Variants in STRBP observed in about 807,000 individuals in gnomAD.
STRBP encodes the protein spermatid perinuclear RNA-binding protein.
In STRBP, 13 loss-of-function variants were observed where a neutral mutation model predicts 80.1. The observed-to-expected ratio is 0.16, with a 90% confidence interval of 0.11 to 0.26. The LOEUF is 0.26. STRBP is among the 10% of genes least tolerant of loss of function. STRBP has a pLI of 1.00. For synonymous variants in STRBP, 284 were observed against 291.2 expected, an observed-to-expected ratio of 0.98 and a Z score of 0.25; for missense variants, 485 against 815.2, an observed-to-expected ratio of 0.59 and a Z score of 4.93.
At chr9:123,147,968 T>A in intron 11 of STRBP, 98 bp from the exon 12 acceptor site, 1 of 1,070,922 alleles carries the variant, frequency 9.3e-7, no homozygotes, top group Non-Finnish European at 1.3e-6. Flanking sequence ...ATCTTAGGAA[T>A]CACACCAAGG....
chr9:123,132,546 CA>C lies in STRBP; in HGVS notation c.1897+298del, dbSNP rs111931425. 3.6e-3 allele frequency among the ~76,000 whole-genome samples: 541 copies of C among 152,262 alleles called. 2 individuals carry two copies. Among genetic ancestry groups the C allele is most frequent in the African/African-American group, 0.012 (490 of 41,544 alleles). Reference sequence around the variant, plus strand: ...CTGTCATCTATGTCCTCGATGAAAACACCCTGCTCACCCTTCTCAATCTATG... The same window carrying C: ...CTGTCATCTATGTCCTCGATGAAAACCCCTGCTCACCCTTCTCAATCTATG... On this transcript the variant is annotated intron_variant, in intron 17 of 18. Transcript: ENST00000348403.
chr9:123,158,528 G>GA (rs142605162), intron 9 of STRBP, 99 bp from the exon 10 acceptor site: 10,965 of 850,622 alleles, frequency 0.013, no homozygotes, highest in East Asian at 0.028. Context: ...AAGAGAAAAT[G>GA]AAAAAAAAAA....
At chr9:123,188,681 T>C (rs780206033) in intron 2 of STRBP, among the ~76,000 whole-genome samples, 6 of 152,120 alleles carry the variant, frequency 3.9e-5, no homozygotes, top group African/African-American at 7.2e-5. Flanking sequence ...CAAACAACTA[T>C]GCTATCTATA....
At chr9:123,227,567 CTT>C (rs113678606) in intron 2 of STRBP, among the ~76,000 whole-genome samples, 6 of 113,438 alleles carry the variant, frequency 5.3e-5, no homozygotes, top group Non-Finnish European at 9.4e-5. Context: ...TTTTTTTTTT[CTT>C]TTTTTTTTTT....
chr9:123,136,003 T>C lies in STRBP; in HGVS notation c.1773+38A>G, dbSNP rs569619903. The C allele has an allele frequency of 1.2e-6, 2 of 1,602,228 alleles. No homozygotes were observed. Among genetic ancestry groups the C allele is most frequent in the East Asian group, 2.2e-5 (1 of 44,704 alleles). On this transcript the variant is annotated intron_variant, in intron 16 of 18. Transcript: ENST00000348403. This position sits in a 1 kb window ranked among gnomAD's most constrained non-coding sequence, Gnocchi z 4.2. ...AAGAAAATTTAATTCCTCTAACATTTTTCACAGGTTCTGCAAAGGTTTAAT... is the reference window on the plus strand; with the variant it reads ...AAGAAAATTTAATTCCTCTAACATTCTTCACAGGTTCTGCAAAGGTTTAAT...
rs1393316519 is a variant in STRBP, at chr9:123,248,267, T to TC, written c.-301-11302_-301-11301insG. Among the ~76,000 whole-genome samples, 5 of 141,686 alleles carry TC rather than the reference T, an allele frequency of 3.5e-5. No homozygotes were observed. In the East Asian group the frequency reaches 1.0e-3, roughly 29 times the overall value. The allele number at this position is 141,686 out of a possible 152,430, so 93.0% of individuals were successfully genotyped here. A position where few individuals can be genotyped will look rare whatever the true frequency, so the allele number is the denominator to read the frequency against. ...CTTCTCCCACCCCTATCGTGTTTTT[T>TC]TTTTTTTTTTTTTTTTTTGAGATGG... On this transcript the variant is annotated intron_variant, in intron 1 of 18. Coordinates refer to ENST00000348403, the MANE Select transcript of STRBP (RefSeq NM_018387.5).
intron 2 of STRBP, among the ~76,000 whole-genome samples, chr9:123,234,588 G>T (rs12552172): frequency 0.13 from 20,518 of 152,154 alleles, 1,903 homozygotes; most frequent in Middle Eastern, 0.2. Flanking sequence ...CATCCTAGTT[G>T]GTAGTCTTAA....
rs1440208868 is a variant in STRBP at position 123,234,188 on chromosome 9, G to A, written c.-165+2642C>T. On this transcript the variant is annotated intron_variant, in intron 2 of 18. Coordinates refer to ENST00000348403, the MANE Select transcript of STRBP (RefSeq NM_018387.5). Reference sequence around the variant, plus strand: ...TGCACTCCAGCCTGGGCGACAGAGCGAGACGCCGTGTCAAAAAAAAAAAAA... The same window carrying A: ...TGCACTCCAGCCTGGGCGACAGAGCAAGACGCCGTGTCAAAAAAAAAAAAA... Among the ~76,000 whole-genome samples, 5 of 141,130 alleles carry A rather than the reference G, an allele frequency of 3.5e-5. No homozygotes were observed. In the East Asian group the frequency reaches 6.4e-4, roughly 18 times the overall value. The allele number at this position is 141,130 out of a possible 152,430, so 92.6% of individuals were successfully genotyped here. A position where few individuals can be genotyped will look rare whatever the true frequency, so the allele number is the denominator to read the frequency against.
chr9:123,234,028 G>A (rs190087662), intron 2 of STRBP, among the ~76,000 whole-genome samples: 12 of 151,854 alleles, frequency 7.9e-5, no homozygotes, highest in East Asian at 3.9e-4. Context: ...GTGAAATCCC[G>A]TCTCTATTAA....
At chr9:123,152,578 T>G (rs1017559041) in intron 11 of STRBP, among the ~76,000 whole-genome samples, 1 of 151,814 alleles carries the variant, frequency 6.6e-6, no homozygotes, top group African/African-American at 2.4e-5. Flanking sequence ...ACACAACAAC[T>G]TGGATGGACC....
chr9:123,163,558 T>C (rs985062821), intron 6 of STRBP, among the ~76,000 whole-genome samples: 31 of 152,314 alleles, frequency 2.0e-4, no homozygotes, highest in African/African-American at 7.0e-4. Context: ...GCTTCAATAT[T>C]CAGGAGGTAG....
intron 2 of STRBP, among the ~76,000 whole-genome samples, chr9:123,222,572 G>C (rs1363618593): frequency 1.2e-4 from 19 of 152,026 alleles, no homozygotes; most frequent in Admixed American, 1.2e-3. Flanking sequence ...CTAAACTGTT[G>C]GGAATTAAAA....
intron 11 of STRBP, among the ~76,000 whole-genome samples, chr9:123,151,649 A>C (rs1192861291): frequency 6.6e-6 from 1 of 152,240 alleles, no homozygotes; most frequent in Non-Finnish European, 1.5e-5. Flanking sequence ...GATTATAAAC[A>C]TACAAATGTC....
intron 2 of STRBP, among the ~76,000 whole-genome samples, chr9:123,185,270 T>C (rs1391978874): frequency 6.6e-6 from 1 of 152,158 alleles, no homozygotes; most frequent in Non-Finnish European, 1.5e-5. Context: ...AACAGTTTCT[T>C]AATATTAGCA....
chr9:123,266,439 C>G (rs1365908226), intron 1 of STRBP, among the ~76,000 whole-genome samples: 9 of 151,996 alleles, frequency 5.9e-5, no homozygotes, highest in Admixed American at 5.2e-4. Context: ...CAGGTCCCCC[C>G]ACCCCTCAAT....
chr9:123,238,142 G>A (rs527963411), intron 1 of STRBP, among the ~76,000 whole-genome samples: 14 of 152,330 alleles, frequency 9.2e-5, no homozygotes, highest in Non-Finnish European at 1.5e-4. Context: ...AACAGTAAAC[G>A]TTAGCATTTC....
chr9:123,183,391 T>C (rs1271320607), intron 3 of STRBP, among the ~76,000 whole-genome samples: 1 of 151,802 alleles, frequency 6.6e-6, no homozygotes, highest in Non-Finnish European at 1.5e-5. Flanking sequence ...GAGCCGAGAT[T>C]GCGCCATTGC....
At chr9:123,194,495 A>T (rs1351370644) in intron 2 of STRBP, among the ~76,000 whole-genome samples, 1 of 152,198 alleles carries the variant, frequency 6.6e-6, no homozygotes, top group Non-Finnish European at 1.5e-5. Context: ...CAATAAAAAT[A>T]AAAAGGGAAA....
intron 6 of STRBP, among the ~76,000 whole-genome samples, chr9:123,167,283 T>C (rs970450202): frequency 3.3e-5 from 5 of 151,214 alleles, no homozygotes; most frequent in African/African-American, 1.2e-4. Context: ...TTACAATGGA[T>C]TTTTTTTTAA....
Sources: gnomAD v4.1 joint callset for allele counts (sites outside exome capture counted in the v4.1 genomes callset) on GRCh38, gnomAD v4.1.1 for gene constraint, Gnocchi (gnomAD v3.1) non-coding constraint, MANE v1.5 for transcripts, NCBI Gene and HGNC (gene_info 2026-07-23, HGNC 2026-07-21) for gene names.